CDH19: variants seen among roughly 807,000 people sequenced by gnomAD.
The protein encoded by CDH19 is cadherin 19.
Under a neutral mutation model 64.2 loss-of-function variants are expected in CDH19, and 67 were observed. That is an observed-to-expected ratio of 1.04 (90% CI 0.86 to 1.28). CDH19 has a LOEUF of 1.28. CDH19 is among the 50% of genes most tolerant of loss of function. CDH19 has a pLI of 0.00. For synonymous variants in CDH19, 346 were observed against 319.3 expected, an observed-to-expected ratio of 1.08 and a Z score of -0.89; for missense variants, 1,030 against 929.0, an observed-to-expected ratio of 1.11 and a Z score of -1.41.
intron 9 of CDH19, among the ~76,000 whole-genome samples, chr18:66,522,736 T>C (rs959017069): frequency 6.5e-4 from 98 of 151,642 alleles, no homozygotes; most frequent in Non-Finnish European, 1.1e-3. Flanking sequence ...GCTTAAAGAG[T>C]TCTGTGCTAT....
chr18:66,554,126 A>T (rs2144522142), intron 4 of CDH19, among the ~76,000 whole-genome samples: 1 of 151,928 alleles, frequency 6.6e-6, no homozygotes, highest in Non-Finnish European at 1.5e-5. Flanking sequence ...CTATATTTTT[A>T]AATTGGGTTG....
chr18:66,594,880 A>T (rs1022036916), intron 1 of CDH19, among the ~76,000 whole-genome samples: 5 of 147,322 alleles, frequency 3.4e-5, no homozygotes, highest in African/African-American at 1.2e-4. Flanking sequence ...GGGGAGGGAT[A>T]GCATTGGGAG....
intron 1 of CDH19, among the ~76,000 whole-genome samples, chr18:66,583,001 A>T (rs1376317983): frequency 6.6e-6 from 1 of 152,076 alleles, no homozygotes; most frequent in East Asian, 1.9e-4. Context: ...TTCACTTTTT[A>T]TTCCCCTCCA....
At chr18:66,600,940 T>A (rs1467048857) in intron 1 of CDH19, among the ~76,000 whole-genome samples, 9 of 151,690 alleles carry the variant, frequency 5.9e-5, no homozygotes, top group African/African-American at 2.2e-4. Flanking sequence ...ACCTGACGAG[T>A]GACATTATAG....
intron 11 of CDH19, 105 bp downstream of exon 11, chr18:66,508,890 T>C: frequency 1.7e-6 from 2 of 1,186,158 alleles, no homozygotes; most frequent in Non-Finnish European, 2.4e-6. Context: ...ATTAACTATG[T>C]ATTTATCATG....
chr18:66,603,124 C>A (rs1026034289), intron 1 of CDH19, among the ~76,000 whole-genome samples: 2 of 150,218 alleles, frequency 1.3e-5, no homozygotes, highest in African/African-American at 4.8e-5. Context: ...AAAACCTTTG[C>A]CACTCTATTT....
At chr18:66,534,623 T>C (rs2144438761) in intron 8 of CDH19, among the ~76,000 whole-genome samples, 1 of 152,056 alleles carries the variant, frequency 6.6e-6, no homozygotes, top group Non-Finnish European at 1.5e-5. Context: ...GAATAATGGA[T>C]TCATGATTTT....
At chr18:66,583,033 G>C (rs535558126) in intron 1 of CDH19, among the ~76,000 whole-genome samples, 1 of 152,110 alleles carries the variant, frequency 6.6e-6, no homozygotes, top group East Asian at 1.9e-4. Context: ...ACCATGATTT[G>C]CCCTTATTTG....
At chr18:66,506,413 C>T (rs931992445) in intron 11 of CDH19, among the ~76,000 whole-genome samples, 2 of 151,862 alleles carry the variant, frequency 1.3e-5, no homozygotes, top group South Asian at 2.1e-4. Context: ...ATTGAAACAA[C>T]ACACTGTACC....
intron 1 of CDH19, among the ~76,000 whole-genome samples, chr18:66,589,110 C>T (rs1407153564): frequency 6.6e-6 from 1 of 151,636 alleles, no homozygotes; most frequent in African/African-American, 2.4e-5. Context: ...TGGGAAATTC[C>T]ATAGTCATAA....
intron 1 of CDH19, among the ~76,000 whole-genome samples, chr18:66,582,624 C>A: frequency 8.5e-6 from 1 of 117,812 alleles, no homozygotes; most frequent in South Asian, 3.0e-4. Context: ...ATATAATTTG[C>A]ATACTTACTG....
chr18:66,557,271 C>A lies in CDH19; in HGVS notation c.491-2747G>T, dbSNP rs532688112. 3.3e-5 allele frequency among the ~76,000 whole-genome samples: 5 copies of A among 152,030 alleles called. 1 individual carries two copies. The South Asian group carries it at 1.0e-3, about 32-fold the overall frequency. ...CTACTGTACACCTGTTCTCTCAGGT[C>A]TCCTCTTGATCACACCCATAGAAAG... On this transcript the variant is annotated intron_variant, in intron 3 of 11. Transcript: ENST00000262150.
chr18:66,523,114 C>T (rs1324405881), intron 9 of CDH19, among the ~76,000 whole-genome samples: 1 of 152,094 alleles, frequency 6.6e-6, no homozygotes, highest in Non-Finnish European at 1.5e-5. Context: ...TATTTACTGA[C>T]AATTCCATCT....
At chr18:66,522,547 G>T (rs1408670257) in intron 9 of CDH19, among the ~76,000 whole-genome samples, 4 of 152,068 alleles carry the variant, frequency 2.6e-5, no homozygotes, top group Non-Finnish European at 5.9e-5. Context: ...ACTGTGCCTG[G>T]CCAGTTATTT....
In CDH19 at chr18:66,544,130, G is replaced by A. The variant is rs1987008288; in HGVS notation, c.1055C>T (p.Ala352Val). The A allele has an allele frequency of 1.9e-6, 3 of 1,613,832 alleles. No individual in the cohort carries two copies. In the Admixed American group the frequency reaches 5.0e-5, roughly 27 times the overall value. ...PEQLMKYHTE[A>V]STTFIKIQVE... is the part of the protein sequence containing the mutation. Reference sequence around the variant, plus strand: ...CTGGATCTTAATGAAAGTGGTGGAAGCCTCAGTGTGGTACTTCATGAGCTG... The same window carrying A: ...CTGGATCTTAATGAAAGTGGTGGAAACCTCAGTGTGGTACTTCATGAGCTG... The change falls in exon 7 of 12, where the codon GCT becomes GTT. Residue 352 changes from alanine to valine, a missense_variant. Transcript: ENST00000262150.
intron 10 of CDH19, 23 bp from the exon 11 acceptor site, chr18:66,509,269 T>C: frequency 1.2e-6 from 2 of 1,606,986 alleles, no homozygotes; most frequent in Non-Finnish European, 8.5e-7. Context: ...TCCATGTGCA[T>C]AATTTTTTCA....
chr18:66,600,452 G>T (rs1989009733), intron 1 of CDH19, among the ~76,000 whole-genome samples: 1 of 151,778 alleles, frequency 6.6e-6, no homozygotes, highest in Admixed American at 6.6e-5. Context: ...AAATCTCAAT[G>T]ACATGATTAT....
At position 66,509,135 on chromosome 18, in the gene CDH19, G is replaced by T; in HGVS notation, c.1688C>A (p.Thr563Lys). 1.2e-6 allele frequency: 2 copies of T among 1,612,940 alleles called. No individual in the cohort carries two copies. The highest frequency in any genetic ancestry group is 1.7e-6 in the Non-Finnish European group (2 of 1,179,286). The change falls in exon 11 of 12, where the codon ACA becomes AAA. Residue 563 changes from threonine to lysine, a missense_variant. Coordinates refer to ENST00000262150, the MANE Select transcript of CDH19 (RefSeq NM_021153.4). ...ADNGIPSLTSTNTLTIHVCDC... is the reference protein window; with the variant it reads ...ADNGIPSLTSKNTLTIHVCDC... The stretch of plus-strand genomic sequence containing the variant: ...ACAGACATGGATGGTAAGGGTGTTT[G>T]TACTTGTAAGTGACGGGATTCCATT...
At chr18:66,594,956 GT>G (rs1988844683) in intron 1 of CDH19, among the ~76,000 whole-genome samples, 1 of 151,074 alleles carries the variant, frequency 6.6e-6, no homozygotes, top group Non-Finnish European at 1.5e-5. Flanking sequence ...GTATACATAT[GT>G]AACTAACCTG....
Sources: gnomAD v4.1 joint callset for allele counts (sites outside exome capture counted in the v4.1 genomes callset) on GRCh38, gnomAD v4.1.1 for gene constraint, MANE v1.5 for transcripts, NCBI Gene and HGNC (gene_info 2026-07-23, HGNC 2026-07-21) for gene names.